Variants in AMN1 observed in about 807,000 individuals in gnomAD.
AMN1 encodes the protein protein AMN1 homolog.
AMN1 carries 20 observed loss-of-function variants against 33.0 expected under a neutral mutation model. That is an observed-to-expected ratio of 0.61 (90% CI 0.43 to 0.88). AMN1 has a LOEUF of 0.88. Ranked by LOEUF, AMN1 falls within the 40% of genes least tolerant of loss-of-function variation. AMN1 has a pLI of 0.00. For missense variants in AMN1, 246 were observed against 307.4 expected (o/e 0.80, Z 1.49); for synonymous variants, 114 against 111.9 (o/e 1.02, Z -0.12).
intron 1 of AMN1, among the ~76,000 whole-genome samples, chr12:31,728,065 T>G (rs1271970405): frequency 6.6e-6 from 1 of 152,122 alleles, no homozygotes; most frequent in Non-Finnish European, 1.5e-5. Flanking sequence ...TTCGCCACGT[T>G]GCCCAGGCTG....
intron 5 of AMN1, among the ~76,000 whole-genome samples, chr12:31,695,158 T>C (rs1266024757): frequency 6.6e-6 from 1 of 152,102 alleles, no homozygotes; most frequent in Non-Finnish European, 1.5e-5. Context: ...TCTACTTAGG[T>C]TGGTGCTCTT....
At chr12:31,675,940 G>A (rs1264003869) in intron 6 of AMN1, among the ~76,000 whole-genome samples, 2 of 151,864 alleles carry the variant, frequency 1.3e-5, no homozygotes, top group Admixed American at 1.3e-4. Flanking sequence ...ATTTGTAGAT[G>A]TTATACTGTG....
chr12:31,709,306 G>A lies in AMN1; in HGVS notation c.158C>T (p.Ser53Leu). 4 of 1,613,290 alleles carry A rather than the reference G, an allele frequency of 2.5e-6. No homozygotes were observed. Among genetic ancestry groups the A allele is most frequent in the Non-Finnish European group, 2.5e-6 (3 of 1,179,568 alleles). ...TCATACTCTTACCTCACTTATATTT[G>A]AATCTGTTATCTGTCCCTGCATACT... ...IMSMQGQITD[S>L]NISEILHPEV... is the part of the protein sequence containing the mutation. Residue 53 changes from serine (S) to leucine (L), a missense_variant, in exon 2 of 7, where the codon TCA becomes TTA. Transcript: ENST00000281471.
At chr12:31,724,244 G>A (rs79308878) in intron 1 of AMN1, among the ~76,000 whole-genome samples, 6,157 of 152,222 alleles carry the variant, frequency 0.04, 396 homozygotes, top group East Asian at 0.27. Flanking sequence ...CATCTACAAG[G>A]ATTGGGTGGA....
chr12:31,696,703 G>T (rs1301054852), intron 5 of AMN1, among the ~76,000 whole-genome samples: 2 of 152,094 alleles, frequency 1.3e-5, no homozygotes, highest in Non-Finnish European at 2.9e-5. Flanking sequence ...GAGGCGGTCG[G>T]ATCACCTGAG....
At chr12:31,682,865 T>A (rs1405183856) in intron 6 of AMN1, among the ~76,000 whole-genome samples, 1 of 152,088 alleles carries the variant, frequency 6.6e-6, no homozygotes, top group Non-Finnish European at 1.5e-5. Flanking sequence ...ATATTTTTAT[T>A]CCAAATATTT....
intron 2 of AMN1, chr12:31,708,854 G>GA (rs1292723070): frequency 3.6e-5 from 7 of 195,044 alleles, no homozygotes; most frequent in Non-Finnish European, 7.6e-5. Context: ...TATCTGGAGG[G>GA]AAAAAAACAA....
At position 31,680,164 on chromosome 12, in the gene AMN1, A is replaced by G. The variant is rs568204987; in HGVS notation, c.704-7787T>C. Among the ~76,000 whole-genome samples the G allele has an allele frequency of 7.9e-5, 12 of 151,400 alleles. No individual in the cohort carries two copies. The South Asian group carries it at 2.5e-3, about 32-fold the overall frequency. On this transcript the variant is annotated intron_variant, in intron 6 of 6. Transcript: ENST00000281471. Reference sequence around the variant, plus strand: ...TTTAGTAAGTTTAAAAATTATTTTCATGCTGTTGTAACATCTATAAAACTA... The same window carrying G: ...TTTAGTAAGTTTAAAAATTATTTTCGTGCTGTTGTAACATCTATAAAACTA...
intron 6 of AMN1, among the ~76,000 whole-genome samples, chr12:31,674,090 T>C (rs1449595881): frequency 6.6e-6 from 1 of 152,100 alleles, no homozygotes; most frequent in African/African-American, 2.4e-5. Flanking sequence ...CCACATTCCT[T>C]GCATTCCTTC....
intron 6 of AMN1, among the ~76,000 whole-genome samples, chr12:31,688,671 C>A (rs1357065596): frequency 6.6e-6 from 1 of 152,082 alleles, no homozygotes; most frequent in East Asian, 1.9e-4. Flanking sequence ...ATTAGCCTGG[C>A]ATGGTGGCGT....
intron 1 of AMN1, among the ~76,000 whole-genome samples, chr12:31,722,876 G>T (rs138353790): frequency 6.6e-6 from 1 of 152,148 alleles, no homozygotes; most frequent in Non-Finnish European, 1.5e-5. Flanking sequence ...CAAGTTTTAC[G>T]CCTGGCACGG....
At position 31,688,059 on chromosome 12, in the gene AMN1, A is replaced by T. The variant is rs746137442; in HGVS notation, c.703+948T>A. Among the ~76,000 whole-genome samples the T allele has an allele frequency of 2.6e-3, 389 of 152,222 alleles. 9 individuals carry two copies. Among genetic ancestry groups the T allele is most frequent in the Non-Finnish European group, 8.1e-4 (55 of 68,008 alleles). The stretch of plus-strand genomic sequence containing the variant: ...AACCTCCACCTCCCGAGTTCAAGTG[A>T]TTCTCCGTCCTCAATCTCCCGAGTA... On this transcript the variant is annotated intron_variant, in intron 6 of 6. Coordinates refer to ENST00000281471, the MANE Select transcript of AMN1 (RefSeq NM_001113402.2).
intron 6 of AMN1, among the ~76,000 whole-genome samples, chr12:31,677,730 C>T (rs1190873764): frequency 6.6e-6 from 1 of 152,190 alleles, no homozygotes; most frequent in African/African-American, 2.4e-5. Flanking sequence ...CCTCCTATCT[C>T]TTACCCTTCA....
At chr12:31,706,931 A>G (rs1592167640) in intron 2 of AMN1, among the ~76,000 whole-genome samples, 1 of 152,238 alleles carries the variant, frequency 6.6e-6, no homozygotes, top group East Asian at 1.9e-4. Flanking sequence ...TCAGGAGCAG[A>G]GGAATTAGAA....
Position 31,687,171 on chromosome 12 carries a change from C to T in AMN1, c.703+1836G>A, listed in dbSNP as rs183413866. On this transcript the variant is annotated intron_variant, in intron 6 of 6. Transcript: ENST00000281471. The surrounding 1 kb of genome is among the most constrained non-coding windows in gnomAD (Gnocchi z 4.1). ...GATTACAGGCATAAACCACTGCACC[C>T]GGCCACCAGTGTCCTTACTGGCTCT... Among the ~76,000 whole-genome samples, 18 of 152,160 alleles carry T rather than the reference C, an allele frequency of 1.2e-4. No homozygotes were observed. The highest frequency in any genetic ancestry group is 2.0e-4 in the Admixed American group (3 of 15,288).
At chr12:31,719,517 T>C (rs1939802613) in intron 1 of AMN1, among the ~76,000 whole-genome samples, 1 of 152,158 alleles carries the variant, frequency 6.6e-6, no homozygotes, top group South Asian at 2.1e-4. Flanking sequence ...GTAGATCTAG[T>C]GATTGTAAGA....
chr12:31,676,083 C>T (rs1215495862), intron 6 of AMN1, among the ~76,000 whole-genome samples: 1 of 151,656 alleles, frequency 6.6e-6, no homozygotes, highest in Non-Finnish European at 1.5e-5. Context: ...TAGAAAATAA[C>T]TCCATTTATG....
In AMN1 at chr12:31,671,967, C is replaced by A; in HGVS notation, c.*337G>T. ...CTTAGAACAATAGCTCAAATACCTA[C>A]ATAGGAGAAGGAAATCTCAAGGGAA... On this transcript the variant is annotated 3_prime_UTR_variant, in exon 7 of 7. Coordinates refer to ENST00000281471, the MANE Select transcript of AMN1 (RefSeq NM_001113402.2). 1 of 191,836 alleles carries A rather than the reference C, an allele frequency of 5.2e-6. No individual in the cohort carries two copies. Among genetic ancestry groups the A allele is most frequent in the East Asian group, 1.3e-4 (1 of 7,846 alleles). 11.9% of individuals were successfully genotyped at this position (191,836 alleles called of 1,614,324 possible).
chr12:31,672,436 T>TCCAGTTAGA, intron 6 of AMN1, 59 bp from the exon 7 acceptor site: 1 of 1,222,834 alleles, frequency 8.2e-7, no homozygotes, highest in Non-Finnish European at 1.2e-6. Flanking sequence ...TAATGTTTCC[T>TCCAGTTAGA]CATGTCTAAC....
Sources: gnomAD v4.1 joint callset for allele counts (sites outside exome capture counted in the v4.1 genomes callset) on GRCh38, gnomAD v4.1.1 for gene constraint, Gnocchi (gnomAD v3.1) non-coding constraint, MANE v1.5 for transcripts, NCBI Gene and HGNC (gene_info 2026-07-23, HGNC 2026-07-21) for gene names.